The following RYR2 variants were observed in gnomAD, a reference collection of about 807,000 sequenced individuals.
RYR2 encodes the protein cardiac muscle ryanodine receptor-calcium release channel.
A neutral mutation model predicts 601.1 loss-of-function variants in RYR2; 227 were observed. The ratio of observed to expected loss-of-function variants is 0.38; its 90% CI spans 0.34 to 0.42. The LOEUF (loss-of-function observed/expected upper bound fraction) is 0.42. RYR2 is among the 10% of genes least tolerant of loss of function. The pLI is 1.00. For synonymous variants in RYR2, 2,223 were observed against 2,175.1 expected, an observed-to-expected ratio of 1.02 and a Z score of -0.61; for missense variants, 4,646 against 6,156.5, an observed-to-expected ratio of 0.75 and a Z score of 8.21.
rs564687060 is a variant in RYR2 at position 237,309,435 on chromosome 1, A to T, written c.169-21443A>T. Among the ~76,000 whole-genome samples, 6 of 151,762 alleles carry T rather than the reference A, an allele frequency of 4.0e-5. No individual in the cohort carries two copies. In the South Asian group the frequency reaches 1.2e-3, roughly 31 times the overall value. On this transcript the variant is annotated intron_variant, in intron 2 of 104. Coordinates refer to ENST00000366574, the MANE Select transcript of RYR2 (RefSeq NM_001035.3). ...TCCAAGTCCCCACTAGATTAGCTAG[A>T]TACGGAGCACTGATAGGTGCATTTA...
At chr1:237,717,880 T>C (rs940069643) in intron 72 of RYR2, among the ~76,000 whole-genome samples, 1 of 152,212 alleles carries the variant, frequency 6.6e-6, no homozygotes, top group African/African-American at 2.4e-5. Flanking sequence ...GAGGATGCAA[T>C]ATTTTGTACA....
intron 2 of RYR2, among the ~76,000 whole-genome samples, chr1:237,276,597 T>C (rs1160833979): frequency 6.6e-6 from 1 of 152,074 alleles, no homozygotes; most frequent in African/African-American, 2.4e-5. Flanking sequence ...ATTAGCCTAA[T>C]CAAGGATAAA....
chr1:237,784,441 G>A lies in RYR2; in HGVS notation c.12729G>A (p.Ser4243=), dbSNP rs1409008799. 6 of 1,613,666 alleles carry A rather than the reference G, an allele frequency of 3.7e-6. No individual in the cohort carries two copies. The highest frequency in any genetic ancestry group is 1.3e-5 in the African/African-American group (1 of 74,992). Residue 4243 remains serine, a synonymous_variant, in exon 90 of 105, where the codon TCG becomes TCA. Transcript: ENST00000366574. The surrounding 1 kb of genome is among the most constrained non-coding windows in gnomAD (Gnocchi z 7.1). The stretch of plus-strand genomic sequence containing the variant: ...TCTTCTCCATTCTGACGGTCAGGTC[G>A]GCCCTGTTTGCGCTCAGGTACAATA... The part of the protein sequence containing the change: ...MAFFSILTVR[S]ALFALRYNIL...
At chr1:237,269,050 T>TG (rs1689407942) in intron 1 of RYR2, among the ~76,000 whole-genome samples, 1 of 141,122 alleles carries the variant, frequency 7.1e-6, no homozygotes, top group Admixed American at 6.8e-5. Flanking sequence ...TTCTTTTTTT[T>TG]TTTTTTTGTG....
intron 41 of RYR2, among the ~76,000 whole-genome samples, chr1:237,630,657 C>T (rs1202531359): frequency 1.3e-5 from 2 of 152,098 alleles, no homozygotes; most frequent in African/African-American, 2.4e-5. Context: ...CTCTTGGCAT[C>T]GATTTGATTT....
intron 16 of RYR2, among the ~76,000 whole-genome samples, chr1:237,462,289 G>A (rs527694882): frequency 6.6e-6 from 1 of 152,252 alleles, no homozygotes; most frequent in East Asian, 1.9e-4. Context: ...AGAAAACCAA[G>A]AAGGTGGGAA....
rs1461139776 is a variant in RYR2, at chr1:237,593,630, A to T, written c.4430A>T (p.His1477Leu). 6.2e-7 allele frequency: 1 copy of T among 1,613,802 alleles called. No homozygotes were observed. The highest frequency in any genetic ancestry group is 1.7e-5 in the Admixed American group (1 of 60,014). The change falls in exon 33 of 105, where the codon CAT becomes CTT. Residue 1477 changes from histidine (H) to leucine (L), a missense_variant. Physicochemically the swap from His to Leu is moderately conservative, Grantham distance 99. Transcript: ENST00000366574. ...CTAGGAGATGAAAAAGGAAAAGTGC[A>T]TGAAAGGTTAGTTTTCCTCAATTTT... ...VTLGDEKGKVHESIKRSNCYM... is the reference protein window; with the variant it reads ...VTLGDEKGKVLESIKRSNCYM...
chr1:237,184,679 C>T (rs6661423), intron 1 of RYR2, among the ~76,000 whole-genome samples: 3,589 of 152,088 alleles, frequency 0.024, 147 homozygotes, highest in African/African-American at 0.081. Flanking sequence ...GACTTATGAA[C>T]GGTCTAGGAG....
chr1:237,709,107 A>C lies in RYR2; in HGVS notation c.10142+9A>C. On this transcript the variant is annotated intron_variant, in intron 69 of 104. Transcript: ENST00000366574. Reference sequence around the variant, plus strand: ...TTTGTGGACTATAACAGGTATGATCAAAAGTAATTTAGTAATTTCTCCAAT... The same window carrying C: ...TTTGTGGACTATAACAGGTATGATCCAAAGTAATTTAGTAATTTCTCCAAT... 1 of 1,550,450 alleles carries C rather than the reference A, an allele frequency of 6.4e-7. No homozygotes were observed. Among genetic ancestry groups the C allele is most frequent in the Non-Finnish European group, 8.7e-7 (1 of 1,150,592 alleles).
intron 81 of RYR2, among the ~76,000 whole-genome samples, chr1:237,756,604 A>G (rs1692976004): frequency 6.6e-6 from 1 of 151,814 alleles, no homozygotes; most frequent in African/African-American, 2.4e-5. Context: ...ATTCATTTTC[A>G]TTCTGTTCTT....
intron 3 of RYR2, among the ~76,000 whole-genome samples, chr1:237,333,256 C>A (rs1052235755): frequency 1.3e-5 from 2 of 152,196 alleles, no homozygotes; most frequent in Non-Finnish European, 1.5e-5. Flanking sequence ...TTATTAGTAA[C>A]TTTTAGAAAG....
chr1:237,595,861 G>A (rs1675839521), intron 34 of RYR2, among the ~76,000 whole-genome samples: 1 of 151,982 alleles, frequency 6.6e-6, no homozygotes. Flanking sequence ...TGAGAAACAG[G>A]TCTCACCCCA....
intron 63 of RYR2, among the ~76,000 whole-genome samples, chr1:237,697,474 ATATT>A (rs1295403429): frequency 6.9e-6 from 1 of 143,996 alleles, no homozygotes; most frequent in African/African-American, 2.5e-5. Context: ...GATATATAAT[ATATT>A]TATAGAAATA....
chr1:237,638,435 A>G lies in RYR2; in HGVS notation c.6871A>G (p.Asn2291Asp), dbSNP rs1681101676. ...VSKGYPDIGW[N>D]PVEGERYLDF... ...TAAGGGCTATCCAGACATTGGGTGG[A>G]ACCCAGTTGAAGGAGAGAGATATCT... Residue 2291 changes from asparagine to aspartate, a missense_variant, in exon 45 of 105, where the codon AAC becomes GAC. Asn to Asp is a conservative substitution (Grantham distance 23). Coordinates refer to ENST00000366574, the MANE Select transcript of RYR2 (RefSeq NM_001035.3). 2 of 1,613,962 alleles carry G rather than the reference A, an allele frequency of 1.2e-6. No individual in the cohort carries two copies. The highest frequency in any genetic ancestry group is 1.7e-6 in the Non-Finnish European group (2 of 1,179,824).
intron 3 of RYR2, among the ~76,000 whole-genome samples, chr1:237,350,593 AAAAAAAAAAATATATATATATATATAT>A (rs1224288146): frequency 2.1e-5 from 2 of 96,512 alleles, no homozygotes; most frequent in African/African-American, 8.4e-5. Flanking sequence ...AAAAAAAAAA[AAAAAAAAAAATATATATATATATATAT>A]ATATATATAT....
At chr1:237,452,770 T>C (rs1658358048) in intron 14 of RYR2, among the ~76,000 whole-genome samples, 1 of 151,498 alleles carries the variant, frequency 6.6e-6, no homozygotes, top group East Asian at 1.9e-4. Context: ...GATGATTTTT[T>C]TTCTCCTTGA....
intron 12 of RYR2, among the ~76,000 whole-genome samples, chr1:237,430,064 A>G (rs757164196): frequency 2.0e-5 from 3 of 150,824 alleles, no homozygotes; most frequent in Non-Finnish European, 4.4e-5. Context: ...ATATCAATAT[A>G]TTGTTATATA....
chr1:237,594,262 T>A (rs1039857491), intron 33 of RYR2, among the ~76,000 whole-genome samples: 6 of 152,192 alleles, frequency 3.9e-5, no homozygotes, highest in African/African-American at 1.4e-4. Flanking sequence ...GACCATTGGC[T>A]TCTACCTTTT....
Position 237,356,738 on chromosome 1 carries a change from C to A in RYR2, c.294+753C>A, listed in dbSNP as rs1224075060. Among the ~76,000 whole-genome samples, 8 of 152,076 alleles carry A rather than the reference C, an allele frequency of 5.3e-5. No homozygotes were observed. The East Asian group carries it at 1.5e-3, about 29-fold the overall frequency. ...AAAAATAAAGGAGAGAGGAAATACA[C>A]CAAGGTACCTTCCAATACTTAACAC... On this transcript the variant is annotated intron_variant, in intron 4 of 104. Coordinates refer to ENST00000366574, the MANE Select transcript of RYR2 (RefSeq NM_001035.3).
Sources: gnomAD v4.1 joint callset for allele counts (sites outside exome capture counted in the v4.1 genomes callset) on GRCh38, gnomAD v4.1.1 for gene constraint, Gnocchi (gnomAD v3.1) non-coding constraint, MANE v1.5 for transcripts, NCBI Gene and HGNC (gene_info 2026-07-23, HGNC 2026-07-21) for gene names.